XPO1: variants seen among roughly 807,000 people sequenced by gnomAD.
XPO1 encodes exportin-1.
A neutral mutation model predicts 133.3 loss-of-function variants in XPO1; 5 were observed. The observed-to-expected ratio is 0.04, with a 90% CI of 0.02 to 0.08. XPO1 has a LOEUF of 0.08. Ranked by LOEUF, XPO1 falls within the 10% of genes least tolerant of loss-of-function variation. XPO1 has a pLI of 1.00. For missense variants in XPO1, 506 were observed against 1,267.5 expected (o/e 0.40, Z 9.12); for synonymous variants, 419 against 408.2 (o/e 1.03, Z -0.32).
In XPO1 at chr2:61,478,052, G is replaced by GAGTT. The variant is rs1240006102; in HGVS notation, c.*764_*767dup. On this transcript the variant is annotated 3_prime_UTR_variant, in exon 25 of 25. Transcript: ENST00000401558. Reference sequence around the variant, plus strand: ...AGCCAGAGTTGTTTTGTTTTTTAATGAGTTGTTAAAAAGATGCAGCCTATT... The same window carrying GAGTT: ...AGCCAGAGTTGTTTTGTTTTTTAATGAGTTAGTTGTTAAAAAGATGCAGCCTATT... The GAGTT allele has an allele frequency of 5.3e-6, 1 of 189,848 alleles. No homozygotes were observed. Among genetic ancestry groups the GAGTT allele is most frequent in the Non-Finnish European group, 1.1e-5 (1 of 90,732 alleles). 11.8% of individuals were successfully genotyped at this position (189,848 alleles called of 1,614,324 possible). A position where few individuals can be genotyped will look rare whatever the true frequency, so the allele number is the denominator to read the frequency against.
rs773700354 is a variant in XPO1, at chr2:61,488,709, A to G, written c.2085T>C (p.Asn695=). The G allele has an allele frequency of 2.5e-6, 4 of 1,614,174 alleles. No homozygotes were observed. The highest frequency in any genetic ancestry group is 3.3e-5 in the Admixed American group (2 of 60,018). The change falls in exon 18 of 25, where the codon AAT becomes AAC. Residue 695 remains asparagine (N), a synonymous_variant. Coordinates refer to ENST00000401558, the MANE Select transcript of XPO1 (RefSeq NM_003400.4). The part of the protein sequence containing the change: ...VKQLGSILKT[N]VRACKAVGHP... ...GTCCAACAGCTTTGCAGGCTCTCAC[A>G]TTTGTTTTCAAAATGCTACCAAGCT...
chr2:61,482,883 A>G (rs1696468834), intron 22 of XPO1, 74 bp downstream of exon 22: 1 of 1,575,206 alleles, frequency 6.3e-7, no homozygotes, highest in Non-Finnish European at 8.6e-7. Context: ...TCGACCTCCC[A>G]AAGTGCTGGG....
At chr2:61,511,920 C>T (rs1043790916) in intron 4 of XPO1, among the ~76,000 whole-genome samples, 1 of 152,020 alleles carries the variant, frequency 6.6e-6, no homozygotes, top group Non-Finnish European at 1.5e-5. Context: ...GCACACGCCA[C>T]CATGCCCGGC....
chr2:61,499,124 T>TAAA (rs1697380612), intron 7 of XPO1, among the ~76,000 whole-genome samples: 1 of 152,220 alleles, frequency 6.6e-6, no homozygotes, highest in African/African-American at 2.4e-5. Context: ...AACAAATGTT[T>TAAA]AAAACTTAAT....
chr2:61,482,627 A>G, intron 22 of XPO1, 88 bp from the exon 23 acceptor site: 1 of 1,154,808 alleles, frequency 8.7e-7, no homozygotes, highest in Non-Finnish European at 1.2e-6. Context: ...TTTTTTTTAG[A>G]CGGAGTCTCG....
At chr2:61,535,522 CTATTT>C (rs1699320710) in intron 1 of XPO1, among the ~76,000 whole-genome samples, 1 of 152,182 alleles carries the variant, frequency 6.6e-6, no homozygotes, top group Non-Finnish European at 1.5e-5. Flanking sequence ...TAATTCCTGG[CTATTT>C]TATAACAGCT....
intron 24 of XPO1, among the ~76,000 whole-genome samples, chr2:61,479,464 CA>C (rs1444462659): frequency 7.3e-6 from 1 of 136,484 alleles, no homozygotes; most frequent in South Asian, 2.2e-4. Context: ...CCAAAAAAAA[CA>C]AAAAAAATGG....
At chr2:61,499,940 C>T (rs745543561) in intron 6 of XPO1, 46 bp from the exon 7 acceptor site, 2 of 1,554,314 alleles carry the variant, frequency 1.3e-6, no homozygotes, top group East Asian at 4.6e-5. Context: ...TTCTCAAAGG[C>T]AAATAAAACA....
Position 61,528,579 on chromosome 2 carries a change from C to T in XPO1, c.127-2058G>A, listed in dbSNP as rs569924763. On this transcript the variant is annotated intron_variant, in intron 2 of 24. Coordinates refer to ENST00000401558, the MANE Select transcript of XPO1 (RefSeq NM_003400.4). ...ATCCAGGAGCGGAGGTTGCAGTGAG[C>T]CAAGATTCCCCAAGAATCAGGAAGA... Among the ~76,000 whole-genome samples, 3 of 150,662 alleles carry T rather than the reference C, an allele frequency of 2.0e-5. No individual in the cohort carries two copies. The East Asian group carries it at 5.9e-4, about 30-fold the overall frequency.
At chr2:61,490,866 G>A (rs1696945637) in intron 16 of XPO1, 90 bp from the exon 17 acceptor site, 1 of 1,509,148 alleles carries the variant, frequency 6.6e-7, no homozygotes. Context: ...TCTTGAAACT[G>A]ATTTTGGCCC....
chr2:61,495,573 T>C lies in XPO1; in HGVS notation c.929A>G (p.Asn310Ser). The change falls in exon 11 of 25, where the codon AAT (asparagine) becomes AGT (serine). Residue 310 changes from asparagine to serine, a missense_variant. This residue lies in a region of XPO1 where 134 missense variants were observed against 261.6 expected (regional missense o/e 0.51). Coordinates refer to ENST00000401558, the MANE Select transcript of XPO1 (RefSeq NM_003400.4). The stretch of plus-strand genomic sequence containing the variant: ...GAAGTTCTGTTCATCATCTTTTCCA[T>C]TTGAGTACGCAAGTCGAATATTGGT... ...LNTNIRLAYS[N>S]GKDDEQNFIQ... 2.5e-6 allele frequency: 4 copies of C among 1,592,830 alleles called. No individual in the cohort carries two copies. The highest frequency in any genetic ancestry group is 3.4e-6 in the Non-Finnish European group (4 of 1,166,204).
In XPO1 at chr2:61,533,759, T is replaced by C. The variant is rs375610864; in HGVS notation, c.126+13A>G. On this transcript the variant is annotated intron_variant, in intron 2 of 24. Coordinates refer to ENST00000401558, the MANE Select transcript of XPO1 (RefSeq NM_003400.4). Reference sequence around the variant, plus strand: ...CTGTCATAATGTTATAAAGTTTTGGTTGGCTACTTTACCTGGGCTCCTTCT... The same window carrying C: ...CTGTCATAATGTTATAAAGTTTTGGCTGGCTACTTTACCTGGGCTCCTTCT... 6.5e-5 allele frequency: 103 copies of C among 1,575,534 alleles called. No homozygotes were observed. In the African/African-American group the frequency reaches 1.2e-3, roughly 19 times the overall value.
chr2:61,479,545 A>G (rs1323815362), intron 24 of XPO1, among the ~76,000 whole-genome samples: 1 of 152,176 alleles, frequency 6.6e-6, no homozygotes, highest in Non-Finnish European at 1.5e-5. Flanking sequence ...GAAGTATCTC[A>G]TGCATCCCAT....
intron 9 of XPO1, among the ~76,000 whole-genome samples, chr2:61,497,518 C>G (rs1697300126): frequency 6.6e-6 from 1 of 152,144 alleles, no homozygotes; most frequent in South Asian, 2.1e-4. Context: ...GCCTAAACTG[C>G]TTTCTTTTGA....
intron 12 of XPO1, 181 bp downstream of exon 12, chr2:61,493,713 A>G: frequency 1.5e-6 from 1 of 655,238 alleles, no homozygotes. Context: ...GAAGGACCAC[A>G]CTCTTGAGAA....
chr2:61,483,553 TAAAAA>T (rs990865471), intron 21 of XPO1: 1 of 183,346 alleles, frequency 5.5e-6, no homozygotes, highest in East Asian at 1.6e-4. Flanking sequence ...ACTATTGAAA[TAAAAA>T]AAGAACCTCA....
At chr2:61,535,814 C>T (rs748108069) in intron 1 of XPO1, among the ~76,000 whole-genome samples, 18 of 152,110 alleles carry the variant, frequency 1.2e-4, no homozygotes, top group Non-Finnish European at 2.5e-4. Flanking sequence ...ACCTTAAGAT[C>T]TAAATACTGA....
At chr2:61,522,774 A>G (rs1698754645) in intron 3 of XPO1, 91 bp from the exon 4 acceptor site, 1 of 910,598 alleles carries the variant, frequency 1.1e-6, no homozygotes, top group Non-Finnish European at 1.8e-6. Flanking sequence ...TCACACATTT[A>G]CATCTAAAGT....
intron 19 of XPO1, among the ~76,000 whole-genome samples, chr2:61,487,742 AAG>A (rs1301206772): frequency 6.6e-6 from 1 of 152,194 alleles, no homozygotes; most frequent in Non-Finnish European, 1.5e-5. Flanking sequence ...ATTTAGGAAA[AAG>A]GGTGTAAAAA....
Sources: gnomAD v4.1 joint callset for allele counts (sites outside exome capture counted in the v4.1 genomes callset) on GRCh38, gnomAD v4.1.1 for gene constraint, gnomAD v4.1.1 regional missense constraint, MANE v1.5 for transcripts, NCBI Gene and HGNC (gene_info 2026-07-23, HGNC 2026-07-21) for gene names.